UPK1A: variants seen among roughly 807,000 people sequenced by gnomAD.
The protein encoded by UPK1A is uroplakin 1A.
A neutral mutation model predicts 32.3 loss-of-function variants in UPK1A; 31 were observed. That is an observed-to-expected ratio of 0.96 (90% CI 0.72 to 1.30). The LOEUF (loss-of-function observed/expected upper bound fraction) is 1.30. Ranked by LOEUF, UPK1A falls within the 50% of genes most tolerant of loss-of-function variation. The pLI, the probability that UPK1A is intolerant of heterozygous loss-of-function variation, is 0.00. For synonymous variants in UPK1A, 135 were observed against 137.1 expected, an observed-to-expected ratio of 0.98 and a Z score of 0.11; for missense variants, 340 against 357.4, an observed-to-expected ratio of 0.95 and a Z score of 0.39.
rs779147202 is a variant in UPK1A, at chr19:35,677,807, C to G, written c.649-5C>G. ...TTCTCAAACTTCCCCCATCCCCCTGCCCAGGGCTGCTTCGAACACATCGGC... is the reference window on the plus strand; with the variant it reads ...TTCTCAAACTTCCCCCATCCCCCTGGCCAGGGCTGCTTCGAACACATCGGC... On this transcript the variant is annotated splice_region_variant and splice_polypyrimidine_tract_variant and intron_variant, in intron 6 of 7. Transcript: ENST00000617999. 6.2e-7 allele frequency: 1 copy of G among 1,612,170 alleles called. No homozygotes were observed. The highest frequency in any genetic ancestry group is 1.1e-5 in the South Asian group (1 of 90,984).
At chr19:35,675,674 C>T (rs1968170030) in intron 5 of UPK1A, among the ~76,000 whole-genome samples, 166 bp from the exon 6 acceptor site, 1 of 152,198 alleles carries the variant, frequency 6.6e-6, no homozygotes, top group Non-Finnish European at 1.5e-5. Flanking sequence ...ACCGTGCTCA[C>T]ACACACAGAC....
At chr19:35,671,878 C>T (rs1032251212) in intron 3 of UPK1A, among the ~76,000 whole-genome samples, 3 of 152,280 alleles carry the variant, frequency 2.0e-5, no homozygotes, top group Middle Eastern at 3.4e-3. Flanking sequence ...ATTGTCTCCT[C>T]TATCCCCCTT....
At chr19:35,675,948 C>G in exon 6 of UPK1A, 2 of 1,613,940 alleles carry the variant, frequency 1.2e-6, no homozygotes, top group South Asian at 1.1e-5. Context: ...GTGCTGTCGC[C>G]GGACGGGAAA....
At chr19:35,670,145 G>A (rs2146382982) in intron 3 of UPK1A, among the ~76,000 whole-genome samples, 1 of 152,312 alleles carries the variant, frequency 6.6e-6, no homozygotes, top group East Asian at 1.9e-4. Flanking sequence ...AGCCTTCCAG[G>A]TGGAGGTGGC....
intron 5 of UPK1A, among the ~76,000 whole-genome samples, chr19:35,674,241 C>CTTTTTTTTTTTTTTTTTTTTT (rs35857173): frequency 2.5e-4 from 25 of 98,980 alleles, no homozygotes; most frequent in Non-Finnish European, 3.5e-4. Flanking sequence ...TTCTTTTTAT[C>CTTTTTTTTTTTTTTTTTTTTT]TTTTTTTTTT....
At chr19:35,668,741 T>A in intron 3 of UPK1A, 87 bp downstream of exon 3, 2 of 1,405,288 alleles carry the variant, frequency 1.4e-6, no homozygotes, top group Non-Finnish European at 1.9e-6. Flanking sequence ...CCCCAGCCAC[T>A]AGTGTGAGTT....
At chr19:35,671,698 G>C (rs1404119462) in intron 3 of UPK1A, among the ~76,000 whole-genome samples, 1 of 151,100 alleles carries the variant, frequency 6.6e-6, no homozygotes, top group Non-Finnish European at 1.5e-5. Flanking sequence ...TCCTGACCTC[G>C]TGATCCGCCC....
chr19:35,666,833 G>C, exon 2 of UPK1A: 1 of 1,614,158 alleles, frequency 6.2e-7, no homozygotes, highest in Non-Finnish European at 8.5e-7. Context: ...CGGCAGCAGC[G>C]GAGGCCGAGA....
chr19:35,673,369 G>C (rs761968428), intron 4 of UPK1A, 63 bp downstream of exon 4: 3 of 1,611,200 alleles, frequency 1.9e-6, no homozygotes, highest in Non-Finnish European at 2.5e-6. Flanking sequence ...GTCCCGGCGC[G>C]GCGGGGCGGA....
At chr19:35,672,136 G>A (rs1416603233) in intron 3 of UPK1A, among the ~76,000 whole-genome samples, 6 of 152,160 alleles carry the variant, frequency 3.9e-5, no homozygotes, top group African/African-American at 1.4e-4. Flanking sequence ...CAACTGACAA[G>A]CTTTTTTTTT....
intron 3 of UPK1A, among the ~76,000 whole-genome samples, 189 bp from the exon 4 acceptor site, chr19:35,673,043 A>C (rs1465611486): frequency 1.3e-5 from 2 of 152,252 alleles, no homozygotes; most frequent in Admixed American, 6.5e-5. Context: ...ATTAAATTAA[A>C]TATTTCAAAA....
At chr19:35,667,747 G>C (rs939950759) in intron 2 of UPK1A, among the ~76,000 whole-genome samples, 1 of 151,928 alleles carries the variant, frequency 6.6e-6, no homozygotes, top group Admixed American at 6.6e-5. Context: ...GCCCACCTCA[G>C]CCTCCCAAAG....
exon 5 of UPK1A, chr19:35,673,472 T>G: frequency 8.7e-6 from 14 of 1,613,664 alleles, no homozygotes; most frequent in Non-Finnish European, 1.2e-5. Flanking sequence ...ACCAAGCAGA[T>G]GCTGACCTTC....
intron 3 of UPK1A, among the ~76,000 whole-genome samples, chr19:35,669,043 C>G (rs1968046213): frequency 6.6e-6 from 1 of 152,038 alleles, no homozygotes; most frequent in Non-Finnish European, 1.5e-5. Context: ...TGCTCATGAA[C>G]TCTGCCAATA....
At chr19:35,667,125 G>A (rs1196795745) in intron 2 of UPK1A, among the ~76,000 whole-genome samples, 1 of 152,124 alleles carries the variant, frequency 6.6e-6, no homozygotes, top group African/African-American at 2.4e-5. Flanking sequence ...TCCTCATTGT[G>A]TGGGCTGTTG....
At chr19:35,672,561 C>A (rs1968119021) in intron 3 of UPK1A, among the ~76,000 whole-genome samples, 1 of 151,048 alleles carries the variant, frequency 6.6e-6, no homozygotes, top group Non-Finnish European at 1.5e-5. Flanking sequence ...AGCCACTGCA[C>A]CCACCCTTGT....
chr19:35,677,461 G>T (rs1379544888), intron 6 of UPK1A, among the ~76,000 whole-genome samples: 1 of 151,916 alleles, frequency 6.6e-6, no homozygotes, highest in African/African-American at 2.4e-5. Flanking sequence ...GGGAGGTAAA[G>T]GTTTCAGTGA....
intron 3 of UPK1A, among the ~76,000 whole-genome samples, chr19:35,670,100 C>T (rs993192721): frequency 1.3e-5 from 2 of 152,166 alleles, no homozygotes; most frequent in Non-Finnish European, 2.9e-5. Context: ...GACCTAGAGG[C>T]ACTGGGAGCG....
chr19:35,667,031 T>TCCCAGCTCTGCCTCTC, intron 2 of UPK1A, 135 bp downstream of exon 2: 3 of 813,536 alleles, frequency 3.7e-6, no homozygotes, highest in African/African-American at 1.7e-5. Flanking sequence ...TGGGTTGAAA[T>TCCCAGCTCTGCCTCTC]CCCAGCTCTG....
Sources: gnomAD v4.1 joint callset for allele counts (sites outside exome capture counted in the v4.1 genomes callset) on GRCh38, gnomAD v4.1.1 for gene constraint, MANE v1.5 for transcripts, NCBI Gene and HGNC (gene_info 2026-07-23, HGNC 2026-07-21) for gene names.